The following RAB30 variants were observed in gnomAD, a reference collection of about 807,000 sequenced individuals.
RAB30 encodes the protein RAB30, member RAS oncogene family, also known as ras-related protein Rab-30.
Under a neutral mutation model 25.1 loss-of-function variants are expected in RAB30, and 9 were observed. The ratio of observed to expected loss-of-function variants is 0.36; its 90% confidence interval spans 0.22 to 0.63. The LOEUF is 0.63. Among genes scored for constraint, RAB30 ranks in the 20% least tolerant of loss-of-function variants. RAB30 has a pLI of 0.69. For synonymous variants in RAB30, 77 were observed against 86.4 expected (o/e 0.89, Z 0.60); for missense variants, 140 against 243.5 (o/e 0.58, Z 2.83).
intron 1 of RAB30, among the ~76,000 whole-genome samples, chr11:83,009,372 G>A (rs182505045): frequency 5.3e-5 from 8 of 152,176 alleles, no homozygotes; most frequent in South Asian, 2.1e-4. Context: ...GGCCAAAAAC[G>A]GGGAAATTTT....
At chr11:83,068,136 A>C (rs914238274) in intron 1 of RAB30, among the ~76,000 whole-genome samples, 3 of 151,528 alleles carry the variant, frequency 2.0e-5, no homozygotes, top group African/African-American at 7.3e-5. Flanking sequence ...AAAAAAAAAA[A>C]AAAATACAAA....
chr11:83,039,318 A>G (rs1157337970), intron 1 of RAB30, among the ~76,000 whole-genome samples: 1 of 152,228 alleles, frequency 6.6e-6, no homozygotes, highest in African/African-American at 2.4e-5. Flanking sequence ...CATTAACACC[A>G]CAATCTTCAA....
chr11:83,029,395 TTTATTA>T (rs559075318), intron 1 of RAB30, among the ~76,000 whole-genome samples: 3 of 151,226 alleles, frequency 2.0e-5, no homozygotes, highest in African/African-American at 4.8e-5. Context: ...GCTTAAATAT[TTTATTA>T]TTATTATTAT....
chr11:83,028,404 AAG>A (rs1857774944), intron 1 of RAB30, among the ~76,000 whole-genome samples: 1 of 152,148 alleles, frequency 6.6e-6, no homozygotes, highest in Non-Finnish European at 1.5e-5. Context: ...GAGCAGAAAA[AAG>A]AAAAATCATA....
chr11:83,042,967 T>C (rs1415225786), intron 1 of RAB30, among the ~76,000 whole-genome samples: 1 of 152,186 alleles, frequency 6.6e-6, no homozygotes, highest in Admixed American at 6.5e-5. Flanking sequence ...TTATAATGAT[T>C]AACATTACAA....
chr11:83,060,040 A>G (rs1355095091), intron 1 of RAB30: 17 of 152,060 alleles, frequency 1.1e-4, no homozygotes, highest in Non-Finnish European at 2.5e-4. Flanking sequence ...GTGAAACCCC[A>G]TCTTTACAAA....
At chr11:82,994,157 A>T in intron 2 of RAB30, 35 bp from the exon 3 acceptor site, 2 of 1,530,978 alleles carry the variant, frequency 1.3e-6, no homozygotes, top group Non-Finnish European at 1.8e-6. Context: ...ACAGCTAAGC[A>T]AATATTTCCA....
intron 1 of RAB30, among the ~76,000 whole-genome samples, chr11:83,002,012 A>C (rs894923485): frequency 6.6e-6 from 1 of 152,194 alleles, no homozygotes; most frequent in Non-Finnish European, 1.5e-5. Context: ...CAGAAGAGGA[A>C]GCTGAGACAG....
chr11:83,006,376 A>C (rs1857185518), intron 1 of RAB30, among the ~76,000 whole-genome samples: 1 of 152,230 alleles, frequency 6.6e-6, no homozygotes, highest in African/African-American at 2.4e-5. Flanking sequence ...ACCACCACAC[A>C]GCCTGCTATG....
chr11:83,010,308 AG>A (rs1857276364), intron 1 of RAB30, among the ~76,000 whole-genome samples: 1 of 152,124 alleles, frequency 6.6e-6, no homozygotes, highest in Non-Finnish European at 1.5e-5. Context: ...AAAATTAGCC[AG>A]GTGTGGTGTC....
intron 1 of RAB30, among the ~76,000 whole-genome samples, chr11:83,016,644 C>T (rs1857444885): frequency 6.6e-6 from 1 of 152,200 alleles, no homozygotes; most frequent in Admixed American, 6.5e-5. Flanking sequence ...GAAGCCAGGA[C>T]ACTAATCCAG....
chr11:82,982,104 C>A lies in RAB30; in HGVS notation c.*61G>T. ...GAGCCACAGTCATCGCCAGATCTCC[C>A]CAGCATCTCATGGCCCATCAGGGCA... On this transcript the variant is annotated 3_prime_UTR_variant, in exon 5 of 5. Coordinates refer to ENST00000527633, the MANE Select transcript of RAB30 (RefSeq NM_001286060.2). 1 of 1,602,670 alleles carries A rather than the reference C, an allele frequency of 6.2e-7. No homozygotes were observed. Among genetic ancestry groups the A allele is most frequent in the Non-Finnish European group, 8.5e-7 (1 of 1,172,410 alleles).
At position 82,976,105 on chromosome 11, in the gene RAB30, T is replaced by C. The variant is rs1286208705; in HGVS notation, c.*6060A>G. 1 of 152,174 alleles carries C rather than the reference T, an allele frequency of 6.6e-6. No homozygotes were observed. The highest frequency in any genetic ancestry group is 2.4e-5 in the African/African-American group (1 of 41,450). The allele number at this position is 152,174 out of a possible 1,614,324, so 9.4% of individuals were successfully genotyped here. A position where few individuals can be genotyped will look rare whatever the true frequency, so the allele number is the denominator to read the frequency against. On this transcript the variant is annotated 3_prime_UTR_variant, in exon 5 of 5. Coordinates refer to ENST00000527633, the MANE Select transcript of RAB30 (RefSeq NM_001286060.2). ...AAGAAATGGAGGGTGACAGTAGTAA[T>C]GCCCAAAGGCAAAAGGATGGATCAG...
At chr11:83,055,724 T>A (rs748040135) in intron 1 of RAB30, among the ~76,000 whole-genome samples, 3 of 152,258 alleles carry the variant, frequency 2.0e-5, no homozygotes, top group Non-Finnish European at 2.9e-5. Context: ...TCCATGCTTA[T>A]GAAGGGATTA....
rs1272881512 is a variant in RAB30 at position 82,976,999 on chromosome 11, C to A, written c.*5166G>T. The A allele has an allele frequency of 1.3e-5, 2 of 152,134 alleles. No individual in the cohort carries two copies. The highest frequency in any genetic ancestry group is 4.8e-5 in the African/African-American group (2 of 41,430). The allele number at this position is 152,134 out of a possible 1,614,324, so 9.4% of individuals were successfully genotyped here. A position where few individuals can be genotyped will look rare whatever the true frequency, so the allele number is the denominator to read the frequency against. Reference sequence around the variant, plus strand: ...TTTCTAAAATAGATCTTGTGGACTGCTTTATGTCAGTGACCCACCAGCCCA... The same window carrying A: ...TTTCTAAAATAGATCTTGTGGACTGATTTATGTCAGTGACCCACCAGCCCA... On this transcript the variant is annotated 3_prime_UTR_variant, in exon 5 of 5. Coordinates refer to ENST00000527633, the MANE Select transcript of RAB30 (RefSeq NM_001286060.2).
intron 1 of RAB30, among the ~76,000 whole-genome samples, chr11:83,005,609 G>A (rs2121481592): frequency 6.6e-6 from 1 of 151,988 alleles, no homozygotes; most frequent in South Asian, 2.1e-4. Context: ...TTCAAAGTTT[G>A]GATCTAAAAA....
intron 1 of RAB30, among the ~76,000 whole-genome samples, chr11:83,004,749 T>A (rs1356326795): frequency 6.6e-6 from 1 of 151,914 alleles, no homozygotes; most frequent in Non-Finnish European, 1.5e-5. Context: ...GCTTTATGTG[T>A]CTCTCACCCC....
chr11:83,052,868 C>G (rs1215186895), intron 1 of RAB30, among the ~76,000 whole-genome samples: 2 of 152,122 alleles, frequency 1.3e-5, no homozygotes, highest in African/African-American at 4.8e-5. Context: ...TGAGCCACTT[C>G]TAAAAGACAA....
At chr11:83,067,140 A>C (rs1858719911) in intron 1 of RAB30, among the ~76,000 whole-genome samples, 1 of 152,128 alleles carries the variant, frequency 6.6e-6, no homozygotes, top group Admixed American at 6.6e-5. Context: ...AGTATTGCCA[A>C]AGTACCTCTT....
Sources: allele counts gnomAD v4.1 joint callset (sites outside exome capture counted in the v4.1 genomes callset), GRCh38; gene constraint gnomAD v4.1.1; transcripts MANE v1.5; gene names NCBI Gene and HGNC (gene_info 2026-07-23, HGNC 2026-07-21).